Variants in GTF2A1L observed in about 807,000 individuals in gnomAD.
The protein encoded by GTF2A1L is TFIIA-alpha and beta-like factor.
GTF2A1L carries 48 observed loss-of-function variants against 49.7 expected under a neutral mutation model. The observed-to-expected ratio is 0.97, with a 90% CI of 0.77 to 1.23. GTF2A1L has a LOEUF of 1.23. Among genes scored for constraint, GTF2A1L ranks in the 50% most tolerant of loss-of-function variants. The pLI is 0.00. For synonymous variants in GTF2A1L, 246 were observed against 193.5 expected (o/e 1.27, Z -2.25); for missense variants, 736 against 564.8 (o/e 1.30, Z -3.07).
chr2:48,640,876 AT>A (rs957177100), intron 3 of GTF2A1L, among the ~76,000 whole-genome samples: 5 of 150,094 alleles, frequency 3.3e-5, no homozygotes, highest in Non-Finnish European at 1.5e-5. Flanking sequence ...ATAAGTTATT[AT>A]TTTTATATGT....
chr2:48,647,042 G>T lies in GTF2A1L; in HGVS notation c.978G>T (p.Lys326Asn). 3 of 1,588,836 alleles carry T rather than the reference G, an allele frequency of 1.9e-6. No homozygotes were observed. The highest frequency in any genetic ancestry group is 2.6e-6 in the Non-Finnish European group (3 of 1,167,858). Reference sequence around the variant, plus strand: ...CCAGCAACATACCTGTATCAGAGAAGGTATAGTTCTGTGTCCAACTTCTTG... The same window carrying T: ...CCAGCAACATACCTGTATCAGAGAATGTATAGTTCTGTGTCCAACTTCTTG... Reference protein sequence around the residue: ...EEPSNIPVSEKDSNSQVDLSI... With the variant: ...EEPSNIPVSENDSNSQVDLSI... The change falls in exon 6 of 9, where the codon AAG becomes AAT. Residue 326 changes from lysine (K) to asparagine (N), a missense_variant and splice_region_variant. Lys to Asn is a moderately conservative substitution (Grantham distance 94, BLOSUM62 0). Coordinates refer to ENST00000403751, the MANE Select transcript of GTF2A1L (RefSeq NM_006872.5).
chr2:48,655,741 C>T (rs1678133657), intron 6 of GTF2A1L, among the ~76,000 whole-genome samples: 1 of 152,028 alleles, frequency 6.6e-6, no homozygotes, highest in Admixed American at 6.6e-5. Flanking sequence ...AACTGTATAG[C>T]TTAGTGACAG....
At chr2:48,622,282 A>G (rs148685515) in intron 3 of GTF2A1L, among the ~76,000 whole-genome samples, 1 of 152,362 alleles carries the variant, frequency 6.6e-6, no homozygotes, top group Non-Finnish European at 1.5e-5. Context: ...AGCAAATACA[A>G]GTTTTATCGA....
intron 6 of GTF2A1L, among the ~76,000 whole-genome samples, chr2:48,657,975 G>A (rs1027337054): frequency 1.2e-4 from 19 of 152,100 alleles, no homozygotes; most frequent in African/African-American, 4.3e-4. Context: ...TTGTTGAATT[G>A]TTTAAGTTTC....
chr2:48,673,017 G>A (rs946247551), intron 8 of GTF2A1L, among the ~76,000 whole-genome samples: 1 of 152,076 alleles, frequency 6.6e-6, no homozygotes, highest in Non-Finnish European at 1.5e-5. Flanking sequence ...TTCCTATTCT[G>A]GAATTTCATA....
chr2:48,620,063 C>A (rs1483431236), intron 1 of GTF2A1L, among the ~76,000 whole-genome samples: 2 of 152,134 alleles, frequency 1.3e-5, no homozygotes, highest in African/African-American at 2.4e-5. Flanking sequence ...TAAGTGTTTA[C>A]CCCAGTTTTC....
At chr2:48,623,371 A>T (rs1365110021) in intron 3 of GTF2A1L, among the ~76,000 whole-genome samples, 1 of 152,232 alleles carries the variant, frequency 6.6e-6, no homozygotes, top group African/African-American at 2.4e-5. Context: ...TCAAAATCAC[A>T]ATGAGATACC....
chr2:48,667,980 T>C (rs958219249), intron 6 of GTF2A1L, among the ~76,000 whole-genome samples: 1 of 152,220 alleles, frequency 6.6e-6, no homozygotes, highest in Admixed American at 6.5e-5. Flanking sequence ...AGGAGCCTTC[T>C]TGACTCTGCA....
Position 48,620,874 on chromosome 2 carries a change from T to A in GTF2A1L, c.45T>A (p.Ile15=). ...AGCCTAAACTCTACAGATCTGTAAT[T>A]GAAGATGTAATTGAAGGAGTTCGGA... ...NPVPKLYRSV[I]EDVIEGVRNL... Residue 15 remains isoleucine (I), a synonymous_variant, in exon 2 of 9, where the codon ATT becomes ATA. Coordinates refer to ENST00000403751, the MANE Select transcript of GTF2A1L (RefSeq NM_006872.5). 6.3e-7 allele frequency: 1 copy of A among 1,594,090 alleles called. No homozygotes were observed. Among genetic ancestry groups the A allele is most frequent in the Non-Finnish European group, 8.5e-7 (1 of 1,170,898 alleles).
chr2:48,656,994 G>T (rs1405489961), intron 6 of GTF2A1L, among the ~76,000 whole-genome samples: 1 of 152,290 alleles, frequency 6.6e-6, no homozygotes, highest in East Asian at 1.9e-4. Flanking sequence ...ATGGAAAATT[G>T]ACGTTTTATG....
At chr2:48,664,734 T>C (rs1678716934) in intron 6 of GTF2A1L, among the ~76,000 whole-genome samples, 2 of 152,178 alleles carry the variant, frequency 1.3e-5, no homozygotes, top group Non-Finnish European at 2.9e-5. Flanking sequence ...TTTGGTAATT[T>C]CTTGCAATGG....
Position 48,644,981 on chromosome 2 carries a change from G to C in GTF2A1L, c.304-52G>C, listed in dbSNP as rs936352111. On this transcript the variant is annotated intron_variant, in intron 4 of 8. Transcript: ENST00000403751. Reference sequence around the variant, plus strand: ...CTCCCTGTGAGATCAGGGAAAAAAAGATACAAGTAAAGTCCTTTTCTAACT... The same window carrying C: ...CTCCCTGTGAGATCAGGGAAAAAAACATACAAGTAAAGTCCTTTTCTAACT... The C allele has an allele frequency of 3.9e-6, 6 of 1,535,504 alleles. No individual in the cohort carries two copies. In the African/African-American group the frequency reaches 8.4e-5, roughly 22 times the overall value.
At chr2:48,663,620 A>G (rs903863389) in intron 6 of GTF2A1L, among the ~76,000 whole-genome samples, 4 of 152,212 alleles carry the variant, frequency 2.6e-5, no homozygotes, top group African/African-American at 9.6e-5. Context: ...AAAATGCTAT[A>G]TAATAAACAT....
chr2:48,668,397 C>T (rs1678964274), intron 6 of GTF2A1L, among the ~76,000 whole-genome samples: 1 of 152,156 alleles, frequency 6.6e-6, no homozygotes, highest in Non-Finnish European at 1.5e-5. Context: ...AGGTTAAGAA[C>T]TACTGCTATA....
intron 6 of GTF2A1L, among the ~76,000 whole-genome samples, chr2:48,668,238 T>A (rs1228743707): frequency 6.6e-6 from 1 of 152,190 alleles, no homozygotes; most frequent in African/African-American, 2.4e-5. Context: ...TTGCTTGGGC[T>A]ACATTTCTAT....
At chr2:48,665,745 C>A (rs1338048915) in intron 6 of GTF2A1L, among the ~76,000 whole-genome samples, 1 of 152,014 alleles carries the variant, frequency 6.6e-6, no homozygotes, top group East Asian at 1.9e-4. Context: ...TTTATCTTGG[C>A]AAACATGATA....
In GTF2A1L at chr2:48,621,251, T is replaced by C; in HGVS notation, c.208T>C (p.Leu70=). ...SIQSPLFTLQ[L]PHSLHQTLQS... ...CCAATCACCTCTGTTTACTCTTCAGTTGCCGCACAGCTTGCACCAAACATT... is the reference window on the plus strand; with the variant it reads ...CCAATCACCTCTGTTTACTCTTCAGCTGCCGCACAGCTTGCACCAAACATT... The change falls in exon 3 of 9, where the codon TTG becomes CTG. Residue 70 remains leucine, a synonymous_variant. Coordinates refer to ENST00000403751, the MANE Select transcript of GTF2A1L (RefSeq NM_006872.5). 2 of 1,614,180 alleles carry C rather than the reference T, an allele frequency of 1.2e-6. No homozygotes were observed. The highest frequency in any genetic ancestry group is 1.7e-6 in the Non-Finnish European group (2 of 1,180,018).
intron 3 of GTF2A1L, among the ~76,000 whole-genome samples, chr2:48,638,188 T>C (rs1677006693): frequency 6.6e-6 from 1 of 152,048 alleles, no homozygotes; most frequent in African/African-American, 2.4e-5. Context: ...TGAAACGATT[T>C]CAAAAAATTG....
intron 4 of GTF2A1L, among the ~76,000 whole-genome samples, chr2:48,643,523 A>G (rs1339076740): frequency 2.0e-5 from 3 of 152,126 alleles, no homozygotes; most frequent in Non-Finnish European, 4.4e-5. Context: ...CCAATGAAGA[A>G]ATACCTCTGC....
Sources: allele counts gnomAD v4.1 joint callset (sites outside exome capture counted in the v4.1 genomes callset), GRCh38; gene constraint gnomAD v4.1.1; transcripts MANE v1.5; gene names NCBI Gene and HGNC (gene_info 2026-07-23, HGNC 2026-07-21).